AGBL4: variants seen among roughly 807,000 people sequenced by gnomAD.
AGBL4 encodes AGBL carboxypeptidase 4.
Under a neutral mutation model 66.4 loss-of-function variants are expected in AGBL4, and 58 were observed. That is an observed-to-expected ratio of 0.87 (90% CI 0.71 to 1.09). The LOEUF (loss-of-function observed/expected upper bound fraction) is 1.09, where lower values mean the gene tolerates loss of function less well. Ranked by LOEUF, AGBL4 falls within the 50% of genes least tolerant of loss-of-function variation. The pLI is 0.00. For synonymous variants in AGBL4, 234 were observed against 222.9 expected, an observed-to-expected ratio of 1.05 and a Z score of -0.44; for missense variants, 579 against 631.0, an observed-to-expected ratio of 0.92 and a Z score of 0.88.
chr1:49,901,471 G>A (rs771940129), intron 1 of AGBL4, among the ~76,000 whole-genome samples: 4 of 152,044 alleles, frequency 2.6e-5, no homozygotes, highest in Non-Finnish European at 5.9e-5. Context: ...AAATACATAG[G>A]AATACAGCTA....
chr1:48,933,415 T>A (rs1490120155), intron 5 of AGBL4, among the ~76,000 whole-genome samples: 1 of 152,164 alleles, frequency 6.6e-6, no homozygotes. Context: ...CCATATCATA[T>A]CAAGAAGTCA....
chr1:49,032,552 G>A (rs981168464), intron 5 of AGBL4, among the ~76,000 whole-genome samples: 2 of 152,158 alleles, frequency 1.3e-5, no homozygotes, highest in African/African-American at 4.8e-5. Context: ...CACTGTATTT[G>A]GTCAGGCATC....
At chr1:49,530,284 T>TAAAAAAAAAAAAAAAAA (rs1570959521) in intron 3 of AGBL4, among the ~76,000 whole-genome samples, 13 of 35,788 alleles carry the variant, frequency 3.6e-4, no homozygotes, top group South Asian at 1.3e-3. Flanking sequence ...AAAAAAAAAC[T>TAAAAAAAAAAAAAAAAA]CTATGAGTTT....
chr1:49,279,591 A>C (rs1644236830), intron 3 of AGBL4, among the ~76,000 whole-genome samples: 1 of 151,934 alleles, frequency 6.6e-6, no homozygotes, highest in African/African-American at 2.4e-5. Flanking sequence ...CTATGCCACC[A>C]ACTTATTTGA....
chr1:48,609,839 T>A (rs1459910192), intron 9 of AGBL4, among the ~76,000 whole-genome samples: 4 of 152,226 alleles, frequency 2.6e-5, no homozygotes, highest in Non-Finnish European at 5.9e-5. Context: ...AATACTGGCG[T>A]CGCTTCCTTT....
intron 3 of AGBL4, among the ~76,000 whole-genome samples, chr1:49,447,057 G>C (rs977850023): frequency 3.9e-5 from 6 of 152,118 alleles, no homozygotes; most frequent in Non-Finnish European, 7.3e-5. Flanking sequence ...GTCTACCTCA[G>C]CCTCCAGTGG....
chr1:49,048,487 C>T (rs1382998760), intron 4 of AGBL4: 1 of 152,060 alleles, frequency 6.6e-6, no homozygotes, highest in Non-Finnish European at 1.5e-5. Context: ...TTCAGGGAAA[C>T]TGAGATGCTG....
intron 6 of AGBL4, among the ~76,000 whole-genome samples, chr1:48,786,517 C>A (rs1645410751): frequency 6.6e-6 from 1 of 152,180 alleles, no homozygotes; most frequent in Admixed American, 6.5e-5. Flanking sequence ...AGGCTGAATC[C>A]CTACCTAGAA....
chr1:49,533,359 A>C (rs1399856848), intron 3 of AGBL4, among the ~76,000 whole-genome samples: 1 of 152,156 alleles, frequency 6.6e-6, no homozygotes, highest in Non-Finnish European at 1.5e-5. Context: ...CACAAATATG[A>C]ATGCTTAATC....
intron 4 of AGBL4, among the ~76,000 whole-genome samples, chr1:49,076,657 G>A (rs1644715364): frequency 6.6e-6 from 1 of 152,206 alleles, no homozygotes; most frequent in South Asian, 2.1e-4. Flanking sequence ...CCTAGAGAAT[G>A]ATGGGACATT....
chr1:48,616,290 C>A (rs573987969), intron 9 of AGBL4, among the ~76,000 whole-genome samples: 37 of 152,252 alleles, frequency 2.4e-4, no homozygotes, highest in African/African-American at 8.9e-4. Context: ...CAGGTTACAC[C>A]ATGCCCTCAG....
chr1:49,854,401 G>T (rs549435980), intron 1 of AGBL4, among the ~76,000 whole-genome samples: 4 of 152,100 alleles, frequency 2.6e-5, no homozygotes, highest in Non-Finnish European at 5.9e-5. Context: ...GTAAGTAAAA[G>T]ATCCCCAGTG....
intron 6 of AGBL4, among the ~76,000 whole-genome samples, chr1:48,773,078 C>T (rs6664435): frequency 0.69 from 105,378 of 151,956 alleles, 37,025 homozygotes; most frequent in African/African-American, 0.75. Context: ...CATAGGTGCA[C>T]TGGTATATTC....
intron 3 of AGBL4, among the ~76,000 whole-genome samples, chr1:49,691,871 A>G (rs1646894528): frequency 1.3e-5 from 2 of 152,158 alleles, no homozygotes; most frequent in Non-Finnish European, 2.9e-5. Flanking sequence ...GCCCTCGAAC[A>G]TCGGACTCCA....
chr1:48,791,511 G>A (rs930859047), intron 6 of AGBL4, among the ~76,000 whole-genome samples: 1 of 152,174 alleles, frequency 6.6e-6, no homozygotes, highest in African/African-American at 2.4e-5. Context: ...CCATTTTGGG[G>A]GTTGCCCTAA....
intron 4 of AGBL4, among the ~76,000 whole-genome samples, chr1:49,092,110 C>A (rs1400435810): frequency 6.6e-6 from 1 of 152,034 alleles, no homozygotes; most frequent in Non-Finnish European, 1.5e-5. Flanking sequence ...ATAATCTGTA[C>A]ACCAAACCCC....
chr1:48,952,526 C>T (rs1657083217), intron 5 of AGBL4, among the ~76,000 whole-genome samples: 1 of 152,170 alleles, frequency 6.6e-6, no homozygotes, highest in Non-Finnish European at 1.5e-5. Flanking sequence ...GGGTAAGATT[C>T]AAAAGCAAGA....
chr1:49,734,961 C>A (rs781561106), intron 2 of AGBL4, among the ~76,000 whole-genome samples: 3 of 151,944 alleles, frequency 2.0e-5, no homozygotes, highest in Non-Finnish European at 2.9e-5. Flanking sequence ...AAAATAAATT[C>A]TCATCTATAT....
rs141725874 is a variant in AGBL4 at position 48,998,707 on chromosome 1, A to G, written c.594+46877T>C. Among the ~76,000 whole-genome samples the G allele has an allele frequency of 9.8e-5, 15 of 152,316 alleles. No homozygotes were observed. In the East Asian group the frequency reaches 2.7e-3, roughly 27 times the overall value. ...GGTACTGAAAGGAATGTGGATTCCTATATAACTGTGGGGAGTAGAGCTGGC... is the reference window on the plus strand; with the variant it reads ...GGTACTGAAAGGAATGTGGATTCCTGTATAACTGTGGGGAGTAGAGCTGGC... On this transcript the variant is annotated intron_variant, in intron 5 of 13. Coordinates refer to ENST00000371839, the MANE Select transcript of AGBL4 (RefSeq NM_032785.4).
Sources: allele counts gnomAD v4.1 joint callset (sites outside exome capture counted in the v4.1 genomes callset), GRCh38; gene constraint gnomAD v4.1.1; transcripts MANE v1.5; gene names NCBI Gene and HGNC (gene_info 2026-07-23, HGNC 2026-07-21).